The following KDM2A variants were observed in gnomAD, a reference collection of about 807,000 sequenced individuals.
KDM2A encodes the protein lysine-specific demethylase 2A.
Under a neutral mutation model 137.3 loss-of-function variants are expected in KDM2A, and 3 were observed. The observed-to-expected ratio is 0.02, with a 90% CI of 0.01 to 0.06. The LOEUF (loss-of-function observed/expected upper bound fraction) is 0.06, where lower values mean the gene tolerates loss of function less well. KDM2A is among the 10% of genes least tolerant of loss of function. KDM2A has a pLI of 1.00. For synonymous variants in KDM2A, 512 were observed against 541.5 expected, an observed-to-expected ratio of 0.95 and a Z score of 0.76; for missense variants, 738 against 1,510.6, an observed-to-expected ratio of 0.49 and a Z score of 8.48.
At chr11:67,243,137 G>T (rs1318298620) in intron 13 of KDM2A, 45 bp downstream of exon 13, 1 of 1,402,610 alleles carries the variant, frequency 7.1e-7, no homozygotes, top group Non-Finnish European at 1.0e-6. Context: ...TAAGCCTTTT[G>T]TTAGTTGATC....
intron 5 of KDM2A, among the ~76,000 whole-genome samples, chr11:67,204,288 A>G (rs1450552716): frequency 6.6e-6 from 1 of 152,054 alleles, no homozygotes. Context: ...AACCATCACC[A>G]CTATCTAGTT....
intron 5 of KDM2A, among the ~76,000 whole-genome samples, chr11:67,188,929 A>G (rs1857276223): frequency 6.6e-6 from 1 of 152,244 alleles, no homozygotes; most frequent in South Asian, 2.1e-4. Context: ...GGAAAACCTG[A>G]CAGAACTGAA....
intron 8 of KDM2A, among the ~76,000 whole-genome samples, chr11:67,217,128 G>A (rs780608233): frequency 6.6e-6 from 1 of 150,910 alleles, no homozygotes; most frequent in Non-Finnish European, 1.5e-5. Flanking sequence ...TGTAGTCCCA[G>A]CAACTCTGGA....
In KDM2A at chr11:67,254,438, C is replaced by T. The variant is rs770337194; in HGVS notation, c.3307+20C>T. On this transcript the variant is annotated intron_variant, in intron 20 of 20. Coordinates refer to ENST00000529006, the MANE Select transcript of KDM2A (RefSeq NM_012308.3). This position sits in a 1 kb window ranked among gnomAD's most constrained non-coding sequence, Gnocchi z 4.7. The stretch of plus-strand genomic sequence containing the variant: ...TGGCAGGTATGCCGCTACAGTTGTT[C>T]ATAATCAGCGGTGCCCCCTGCCTCC... The T allele has an allele frequency of 6.2e-7, 1 of 1,607,030 alleles. No homozygotes were observed. The highest frequency in any genetic ancestry group is 8.5e-7 in the Non-Finnish European group (1 of 1,174,152).
At chr11:67,122,190 G>A (rs898754019) in intron 2 of KDM2A, among the ~76,000 whole-genome samples, 11 of 152,278 alleles carry the variant, frequency 7.2e-5, no homozygotes, top group African/African-American at 2.6e-4. Flanking sequence ...TGACCTGAAA[G>A]GCCTAGAAGA....
In KDM2A at chr11:67,257,799, A is replaced by G. The variant is rs1055860980; in HGVS notation, c.*2744A>G. 4 of 152,206 alleles carry G rather than the reference A, an allele frequency of 2.6e-5. No homozygotes were observed. The highest frequency in any genetic ancestry group is 9.6e-5 in the African/African-American group (4 of 41,458). The allele number at this position is 152,206 out of a possible 1,614,324, so 9.4% of individuals were successfully genotyped here. On this transcript the variant is annotated 3_prime_UTR_variant, in exon 21 of 21. Transcript: ENST00000529006. ...AATTAAATGTAAGCATTAAGGGGAT[A>G]AGTCTTATGCTATCTCAGTTGACAC...
At chr11:67,149,735 T>C (rs1285818541) in intron 2 of KDM2A, among the ~76,000 whole-genome samples, 1 of 151,802 alleles carries the variant, frequency 6.6e-6, no homozygotes, top group African/African-American at 2.4e-5. Context: ...TTTTTTTTTT[T>C]TTTTGACAGT....
intron 2 of KDM2A, among the ~76,000 whole-genome samples, chr11:67,123,716 A>C (rs1403618079): frequency 6.6e-6 from 1 of 151,660 alleles, no homozygotes; most frequent in Non-Finnish European, 1.5e-5. Context: ...CACTCTTGTC[A>C]CCCAGGCTGG....
chr11:67,141,139 T>C (rs891633843), intron 2 of KDM2A, among the ~76,000 whole-genome samples: 2 of 152,092 alleles, frequency 1.3e-5, no homozygotes, highest in East Asian at 3.9e-4. Context: ...AAACATTGTA[T>C]TTTGGGGAAC....
At chr11:67,167,318 C>T (rs796069694) in intron 2 of KDM2A, among the ~76,000 whole-genome samples, 12 of 152,248 alleles carry the variant, frequency 7.9e-5, no homozygotes, top group African/African-American at 2.9e-4. Context: ...GTTAAATGTG[C>T]AGCAAGCACA....
intron 11 of KDM2A, among the ~76,000 whole-genome samples, chr11:67,229,199 A>G (rs1026913630): frequency 6.6e-6 from 1 of 152,206 alleles, no homozygotes; most frequent in East Asian, 1.9e-4. Flanking sequence ...AAATGGGAAC[A>G]TTAAGGTTCA....
rs1000412698 is a variant in KDM2A, at chr11:67,256,681, A to C, written c.*1626A>C. The stretch of plus-strand genomic sequence containing the variant: ...GTGAGCCACTGAGAAGAGAGACGCC[A>C]ACTGCACCCTTGCCACTTCCAAAGC... On this transcript the variant is annotated 3_prime_UTR_variant, in exon 21 of 21. Coordinates refer to ENST00000529006, the MANE Select transcript of KDM2A (RefSeq NM_012308.3). 7.2e-5 allele frequency: 11 copies of C among 152,822 alleles called. No homozygotes were observed. Among genetic ancestry groups the C allele is most frequent in the African/African-American group, 2.6e-4 (11 of 41,576 alleles). 9.5% of individuals were successfully genotyped at this position (152,822 alleles called of 1,614,324 possible).
At chr11:67,178,204 G>C (rs1199513591) in intron 2 of KDM2A, among the ~76,000 whole-genome samples, 2 of 152,032 alleles carry the variant, frequency 1.3e-5, no homozygotes, top group East Asian at 3.9e-4. Flanking sequence ...ACAGGAGTTC[G>C]AGACCAGCCT....
chr11:67,204,952 C>T (rs1857757909), intron 5 of KDM2A, among the ~76,000 whole-genome samples: 1 of 152,124 alleles, frequency 6.6e-6, no homozygotes, highest in South Asian at 2.1e-4. Context: ...TTAAATAGTG[C>T]TGCAGTGAAT....
chr11:67,120,263 C>T (rs1310623795), intron 1 of KDM2A, among the ~76,000 whole-genome samples: 7 of 152,230 alleles, frequency 4.6e-5, no homozygotes, highest in Admixed American at 4.6e-4. Context: ...CGGTTTCCCT[C>T]CCGACTTCGG....
chr11:67,141,448 T>C (rs1010142156), intron 2 of KDM2A, among the ~76,000 whole-genome samples: 3 of 151,608 alleles, frequency 2.0e-5, no homozygotes, highest in East Asian at 3.9e-4. Context: ...GGGCGGATCA[T>C]GAGGTCAGAA....
rs1257410804 is a variant in KDM2A at position 67,220,848 on chromosome 11, CTT to C, written c.957+1447_957+1448del. 5.9e-5 allele frequency among the ~76,000 whole-genome samples: 9 copies of C among 152,094 alleles called. No homozygotes were observed. In the South Asian group the frequency reaches 1.7e-3, roughly 28 times the overall value. On this transcript the variant is annotated intron_variant, in intron 10 of 20. Transcript: ENST00000529006. ...ACACTGAAAGTTGAATTTCAGATAA[CTT>C]TAACATGTCACAGAATACTCTTAAA...
At chr11:67,174,471 G>T (rs1391432604) in intron 2 of KDM2A, among the ~76,000 whole-genome samples, 1 of 152,020 alleles carries the variant, frequency 6.6e-6, no homozygotes, top group African/African-American at 2.4e-5. Context: ...GGCAGCTTTA[G>T]AAAAGAATGT....
At chr11:67,203,908 C>T (rs1857725537) in intron 5 of KDM2A, among the ~76,000 whole-genome samples, 1 of 151,252 alleles carries the variant, frequency 6.6e-6, no homozygotes, top group Non-Finnish European at 1.5e-5. Flanking sequence ...TCAAGCAAAT[C>T]TCTTGCCTCA....
Sources: gnomAD v4.1 joint callset for allele counts (sites outside exome capture counted in the v4.1 genomes callset) on GRCh38, gnomAD v4.1.1 for gene constraint, Gnocchi (gnomAD v3.1) non-coding constraint, MANE v1.5 for transcripts, NCBI Gene and HGNC (gene_info 2026-07-23, HGNC 2026-07-21) for gene names.